The following MAML2 variants were observed in gnomAD, a reference collection of about 807,000 sequenced individuals.
MAML2 encodes the protein mastermind-like protein 2.
A neutral mutation model predicts 96.1 loss-of-function variants in MAML2; 22 were observed. The observed-to-expected ratio is 0.23, with a 90% CI of 0.16 to 0.33. The LOEUF (loss-of-function observed/expected upper bound fraction) is 0.33. MAML2 is among the 10% of genes least tolerant of loss of function. MAML2 has a pLI of 1.00. For synonymous variants in MAML2, 561 were observed against 521.3 expected (o/e 1.08, Z -1.04); for missense variants, 1,367 against 1,392.4 (o/e 0.98, Z 0.29).
At chr11:95,994,019 T>C (rs1479408935) in intron 2 of MAML2, among the ~76,000 whole-genome samples, 1 of 152,212 alleles carries the variant, frequency 6.6e-6, no homozygotes, top group East Asian at 1.9e-4. Context: ...GCCAGGTCTG[T>C]CTGACCCCAC....
chr11:96,159,407 CTTTTTTTTTTTT>C (rs760811590), intron 1 of MAML2, among the ~76,000 whole-genome samples: 1 of 91,122 alleles, frequency 1.1e-5, no homozygotes, highest in African/African-American at 4.4e-5. Flanking sequence ...ACCACTGATT[CTTTTTTTTTTTT>C]TTTTTTTTTT....
intron 4 of MAML2, among the ~76,000 whole-genome samples, chr11:95,981,140 T>C (rs965010840): frequency 6.6e-6 from 1 of 152,206 alleles, no homozygotes; most frequent in African/African-American, 2.4e-5. Context: ...TTATTTTTCC[T>C]TTTTGCCGAA....
chr11:96,153,952 T>TAAATAAATAA (rs1555016902), intron 1 of MAML2, among the ~76,000 whole-genome samples: 59 of 141,606 alleles, frequency 4.2e-4, no homozygotes, highest in South Asian at 8.9e-4. Context: ...TAAATAAATA[T>TAAATAAATAA]GATAAAACAA....
chr11:96,342,222 G>A lies in MAML2; in HGVS notation c.-327C>T. On this transcript the variant is annotated 5_prime_UTR_variant, in exon 1 of 5. Transcript: ENST00000524717. ...TTTTTCCTCCACCAAGCTGACAAGA[G>A]CCACTAGGTACTTTGTAAACACACG... 4.2e-6 allele frequency: 2 copies of A among 472,028 alleles called. No homozygotes were observed. The highest frequency in any genetic ancestry group is 3.7e-6 in the Non-Finnish European group (1 of 268,260). 29.2% of individuals were successfully genotyped at this position (472,028 alleles called of 1,614,324 possible). A position where few individuals can be genotyped will look rare whatever the true frequency, so the allele number is the denominator to read the frequency against.
At chr11:96,188,916 A>T (rs1054178975) in intron 1 of MAML2, among the ~76,000 whole-genome samples, 1 of 152,208 alleles carries the variant, frequency 6.6e-6, no homozygotes, top group Non-Finnish European at 1.5e-5. Flanking sequence ...CATTAAAAAA[A>T]AAATTCTGCT....
At chr11:96,123,264 A>G (rs893509704) in intron 1 of MAML2, among the ~76,000 whole-genome samples, 2 of 152,052 alleles carry the variant, frequency 1.3e-5, no homozygotes, top group African/African-American at 4.8e-5. Flanking sequence ...TGCCATCACA[A>G]TATACCTGAG....
intron 1 of MAML2, among the ~76,000 whole-genome samples, chr11:96,282,214 A>T (rs10831506): frequency 0.43 from 64,926 of 149,646 alleles, 14,187 homozygotes; most frequent in East Asian, 0.49. Flanking sequence ...AAGTCACTGC[A>T]CTCCAACCTG....
intron 1 of MAML2, among the ~76,000 whole-genome samples, chr11:96,163,155 C>G (rs566540687): frequency 6.6e-5 from 10 of 152,280 alleles, no homozygotes; most frequent in Admixed American, 5.2e-4. Flanking sequence ...ACAGAAATCT[C>G]TTTCCCAAAC....
intron 3 of MAML2, among the ~76,000 whole-genome samples, chr11:95,991,093 C>A (rs151245750): frequency 0.012 from 1,877 of 152,062 alleles, 38 homozygotes; most frequent in South Asian, 0.034. Context: ...ATTTTGGAAG[C>A]CAAATCTTGG....
intron 1 of MAML2, among the ~76,000 whole-genome samples, chr11:96,148,671 C>T (rs935414049): frequency 8.1e-6 from 1 of 123,276 alleles, no homozygotes; most frequent in Non-Finnish European, 1.8e-5. Context: ...CACACACACA[C>T]ACACACACAC....
intron 1 of MAML2, among the ~76,000 whole-genome samples, chr11:96,171,463 G>T (rs144546639): frequency 6.6e-6 from 1 of 152,116 alleles, no homozygotes; most frequent in East Asian, 1.9e-4. Flanking sequence ...ATCCAATGAG[G>T]GCATCTCTAT....
intron 2 of MAML2, among the ~76,000 whole-genome samples, chr11:96,014,845 C>G (rs1445409899): frequency 6.6e-5 from 10 of 152,104 alleles, no homozygotes; most frequent in Admixed American, 6.5e-4. Context: ...ATTTCCAAAT[C>G]ATGGGGTATG....
Position 96,312,495 on chromosome 11 carries a change from G to A in MAML2, c.513+28888C>T, listed in dbSNP as rs377395452. On this transcript the variant is annotated intron_variant, in intron 1 of 4. Transcript: ENST00000524717. ...GTCTGAATGGACAGTAGGAAGCCCC[G>A]AGAGCTCATCCCAGGAGATGTACAA... Among the ~76,000 whole-genome samples, 16 of 152,202 alleles carry A rather than the reference G, an allele frequency of 1.1e-4. No individual in the cohort carries two copies. In the East Asian group the frequency reaches 2.5e-3, roughly 24 times the overall value.
intron 2 of MAML2, among the ~76,000 whole-genome samples, chr11:96,013,348 A>G (rs1337442615): frequency 1.3e-5 from 2 of 152,232 alleles, no homozygotes; most frequent in African/African-American, 4.8e-5. Context: ...GTAGTAGATT[A>G]TAACTAGTCC....
intron 1 of MAML2, among the ~76,000 whole-genome samples, chr11:96,138,667 T>G (rs1473095945): frequency 6.6e-6 from 1 of 151,992 alleles, no homozygotes; most frequent in Admixed American, 6.6e-5. Flanking sequence ...CACCAGGGAC[T>G]GGGTTTGATA....
chr11:96,143,131 G>T (rs959986746), intron 1 of MAML2, among the ~76,000 whole-genome samples: 1 of 152,184 alleles, frequency 6.6e-6, no homozygotes, highest in Non-Finnish European at 1.5e-5. Context: ...ACAGAACTGT[G>T]GCTTGAATAC....
chr11:96,045,713 G>C (rs1858886072), intron 2 of MAML2, among the ~76,000 whole-genome samples: 1 of 152,182 alleles, frequency 6.6e-6, no homozygotes, highest in South Asian at 2.1e-4. Flanking sequence ...TTGTCACTCA[G>C]ATAACTGAGT....
chr11:96,105,279 T>A (rs982609349), intron 1 of MAML2, among the ~76,000 whole-genome samples: 2 of 152,182 alleles, frequency 1.3e-5, no homozygotes, highest in Non-Finnish European at 2.9e-5. Context: ...CAACAGCATG[T>A]CTATTGTTTC....
chr11:96,064,691 T>C (rs1859218475), intron 2 of MAML2, among the ~76,000 whole-genome samples: 1 of 152,212 alleles, frequency 6.6e-6, no homozygotes, highest in South Asian at 2.1e-4. Context: ...TGTAAGTTAA[T>C]TAACCCACAT....
Sources: allele counts gnomAD v4.1 joint callset (sites outside exome capture counted in the v4.1 genomes callset), GRCh38; gene constraint gnomAD v4.1.1; transcripts MANE v1.5; gene names NCBI Gene and HGNC (gene_info 2026-07-23, HGNC 2026-07-21).